DSCAML1: variants seen among roughly 807,000 people sequenced by gnomAD.
The protein encoded by DSCAML1 is DS cell adhesion molecule like 1.
DSCAML1 carries 38 observed loss-of-function variants against 200.5 expected under a neutral mutation model. The ratio of observed to expected loss-of-function variants is 0.19; its 90% CI spans 0.15 to 0.25. The LOEUF is 0.25. DSCAML1 is among the 10% of genes least tolerant of loss of function. The pLI, the probability that DSCAML1 is intolerant of heterozygous loss-of-function variation, is 1.00. For synonymous variants in DSCAML1, 1,215 were observed against 1,165.0 expected (o/e 1.04, Z -0.87); for missense variants, 2,223 against 2,858.8 (o/e 0.78, Z 5.07).
rs558677041 is a variant in DSCAML1 at position 117,775,664 on chromosome 11, T to C, written c.511+1127A>G. Among the ~76,000 whole-genome samples, 5 of 152,212 alleles carry C rather than the reference T, an allele frequency of 3.3e-5. No individual in the cohort carries two copies. The East Asian group carries it at 9.7e-4, about 29-fold the overall frequency. On this transcript the variant is annotated intron_variant, in intron 3 of 32. Transcript: ENST00000651296. ...GCATGGTTCTTGTCCTAGGTACACA[T>C]CAGAACCACCTAGCGAGCATTGAAA...
chr11:117,526,744 C>CTGACCT (rs1426616240), intron 4 of DSCAML1, among the ~76,000 whole-genome samples: 1 of 152,130 alleles, frequency 6.6e-6, no homozygotes, highest in Non-Finnish European at 1.5e-5. Context: ...TCTTGAACTC[C>CTGACCT]TGACCTTGTG....
chr11:117,440,282 G>A (rs1054823630), intron 21 of DSCAML1, among the ~76,000 whole-genome samples: 1 of 152,210 alleles, frequency 6.6e-6, no homozygotes, highest in East Asian at 1.9e-4. Context: ...GTGCAGGCAC[G>A]AGGAAGCCTA....
chr11:117,666,995 G>A (rs686413), intron 3 of DSCAML1, among the ~76,000 whole-genome samples: 35,556 of 152,172 alleles, frequency 0.23, 4,508 homozygotes, highest in East Asian at 0.55. Context: ...TTAGTGGCCT[G>A]GTCTGGGTGG....
chr11:117,812,460 A>G (rs2055769130), intron 1 of DSCAML1, among the ~76,000 whole-genome samples: 1 of 151,934 alleles, frequency 6.6e-6, no homozygotes. Flanking sequence ...TGCCAAACCC[A>G]TATACTCTCC....
chr11:117,512,921 G>A (rs2049672409), intron 8 of DSCAML1, among the ~76,000 whole-genome samples: 1 of 152,034 alleles, frequency 6.6e-6, no homozygotes, highest in Admixed American at 6.5e-5. Context: ...CAATTCATTA[G>A]GACTGATCAC....
intron 3 of DSCAML1, among the ~76,000 whole-genome samples, chr11:117,734,941 C>A (rs1420133312): frequency 6.6e-6 from 1 of 152,070 alleles, no homozygotes; most frequent in Non-Finnish European, 1.5e-5. Context: ...GCTGGTTGGG[C>A]CTGTGGGTGG....
At chr11:117,782,995 C>T (rs2055290590) in intron 1 of DSCAML1, among the ~76,000 whole-genome samples, 1 of 152,102 alleles carries the variant, frequency 6.6e-6, no homozygotes, top group Non-Finnish European at 1.5e-5. Flanking sequence ...TGATGTATGA[C>T]CACAGTGTAA....
intron 11 of DSCAML1, among the ~76,000 whole-genome samples, chr11:117,483,205 A>G (rs770531805): frequency 2.6e-5 from 4 of 152,164 alleles, no homozygotes; most frequent in African/African-American, 7.2e-5. Flanking sequence ...GCCCAACTCA[A>G]TGAACACACA....
chr11:117,759,375 G>C (rs1480878319), intron 3 of DSCAML1, among the ~76,000 whole-genome samples: 7 of 152,210 alleles, frequency 4.6e-5, no homozygotes, highest in Non-Finnish European at 8.8e-5. Flanking sequence ...GCTTTTAAGA[G>C]CTAAAGCAAG....
At chr11:117,655,388 A>G (rs984391612) in intron 3 of DSCAML1, among the ~76,000 whole-genome samples, 29 of 152,366 alleles carry the variant, frequency 1.9e-4, no homozygotes, top group African/African-American at 7.0e-4. Flanking sequence ...TAGACTTTAC[A>G]GGTACTTACA....
At chr11:117,800,275 A>T (rs1292252101), upstream of DSCAML1, among the ~76,000 whole-genome samples, 9 of 152,318 alleles carry the variant, frequency 5.9e-5, no homozygotes, top group South Asian at 6.2e-4. Flanking sequence ...CGGGGAAGAG[A>T]GTCAGGCGGC....
chr11:117,780,167 GAAAGAAAA>G lies in DSCAML1; in HGVS notation c.364+318_364+325del, dbSNP rs201090999. The stretch of plus-strand genomic sequence containing the variant: ...AGAGAGAGAGAGAGAGAGAAAGAAA[GAAAGAAAA>G]AAAGAAAAAAAGAAAGAAAGAAAGA... On this transcript the variant is annotated intron_variant, in intron 2 of 32. Coordinates refer to ENST00000651296, the MANE Select transcript of DSCAML1 (RefSeq NM_020693.4). The surrounding 1 kb of genome is among the most constrained non-coding windows in gnomAD (Gnocchi z 4.8). Among the ~76,000 whole-genome samples, 4,261 of 118,818 alleles carry G rather than the reference GAAAGAAAA, an allele frequency of 0.036. 183 individuals are homozygous for G. The highest frequency in any genetic ancestry group is 0.062 in the African/African-American group (1,928 of 30,882). The allele number at this position is 118,818 out of a possible 152,430, so 77.9% of individuals were successfully genotyped here.
chr11:117,596,865 G>T (rs530332349), intron 3 of DSCAML1, among the ~76,000 whole-genome samples: 99 of 152,244 alleles, frequency 6.5e-4, no homozygotes, highest in African/African-American at 2.3e-3. Flanking sequence ...TTATATAAAG[G>T]TCTCATAGGA....
At chr11:117,563,905 C>T (rs2050707575) in intron 3 of DSCAML1, among the ~76,000 whole-genome samples, 1 of 152,138 alleles carries the variant, frequency 6.6e-6, no homozygotes, top group Admixed American at 6.5e-5. Context: ...GGATGATGCA[C>T]TCTGTGGGCT....
intron 3 of DSCAML1, among the ~76,000 whole-genome samples, chr11:117,617,755 C>A (rs1232140622): frequency 6.6e-6 from 1 of 151,718 alleles, no homozygotes; most frequent in Non-Finnish European, 1.5e-5. Context: ...AGCACCGTGA[C>A]CCAGAATGAG....
chr11:117,670,952 C>T (rs1436341930), intron 3 of DSCAML1, among the ~76,000 whole-genome samples: 1 of 152,112 alleles, frequency 6.6e-6, no homozygotes, highest in Non-Finnish European at 1.5e-5. Flanking sequence ...GACCGGAATT[C>T]CTTTCTCCAT....
At chr11:117,709,732 A>G (rs1190443215) in intron 3 of DSCAML1, 2 of 454,942 alleles carry the variant, frequency 4.4e-6, no homozygotes, top group South Asian at 3.1e-5. Context: ...GGAAGCCAAT[A>G]AGGCAACATC....
At position 117,593,870 on chromosome 11, in the gene DSCAML1, C is replaced by A. The variant is rs188971151; in HGVS notation, c.512-61348G>T. 5.0e-3 allele frequency among the ~76,000 whole-genome samples: 757 copies of A among 152,140 alleles called. 9 individuals carry two copies. The highest frequency in any genetic ancestry group is 0.017 in the African/African-American group (716 of 41,504). ...GGGACTACAGGCGCCCGCCACCACA[C>A]CTGGCTAATTTTTTTTGTATTTTTA... is the stretch of plus-strand genomic sequence containing the variant. On this transcript the variant is annotated intron_variant, in intron 3 of 32. Coordinates refer to ENST00000651296, the MANE Select transcript of DSCAML1 (RefSeq NM_020693.4).
intron 3 of DSCAML1, among the ~76,000 whole-genome samples, chr11:117,715,677 C>T (rs1158355350): frequency 6.6e-6 from 1 of 152,068 alleles, no homozygotes; most frequent in Non-Finnish European, 1.5e-5. Flanking sequence ...ACTGGGATGC[C>T]TGGAGGAGAG....
Sources: allele counts gnomAD v4.1 joint callset (sites outside exome capture counted in the v4.1 genomes callset), GRCh38; gene constraint gnomAD v4.1.1; non-coding constraint Gnocchi (gnomAD v3.1); transcripts MANE v1.5; gene names NCBI Gene and HGNC (gene_info 2026-07-23, HGNC 2026-07-21).